The following RORA variants were observed in gnomAD, a reference collection of about 807,000 sequenced individuals.
RORA encodes nuclear receptor ROR-alpha.
A neutral mutation model predicts 69.5 loss-of-function variants in RORA; 7 were observed. That is an observed-to-expected ratio of 0.10 (90% CI 0.06 to 0.19). The LOEUF (loss-of-function observed/expected upper bound fraction) is 0.19. Ranked by LOEUF, RORA falls within the 10% of genes least tolerant of loss-of-function variation. The pLI is 1.00. For synonymous variants in RORA, 261 were observed against 240.8 expected (o/e 1.08, Z -0.78); for missense variants, 457 against 663.0 (o/e 0.69, Z 3.41).
At chr15:60,645,825 G>T (rs1235199997) in intron 2 of RORA, among the ~76,000 whole-genome samples, 15 of 151,254 alleles carry the variant, frequency 9.9e-5, no homozygotes, top group African/African-American at 3.4e-4. Flanking sequence ...AAAATTAAGG[G>T]GCTGATTTCG....
intron 1 of RORA, among the ~76,000 whole-genome samples, chr15:61,178,509 G>C (rs1420161491): frequency 1.3e-5 from 2 of 151,838 alleles, no homozygotes; most frequent in Admixed American, 1.3e-4. Flanking sequence ...TATCTAGAAT[G>C]CTCACAGCCA....
chr15:60,728,055 C>A (rs8024629), intron 1 of RORA, among the ~76,000 whole-genome samples: 18,295 of 152,244 alleles, frequency 0.12, 1,456 homozygotes, highest in Non-Finnish European at 0.18. Flanking sequence ...TATTTTTCCT[C>A]TGTATCAAAA....
rs1324404232 is a variant in RORA, at chr15:60,538,754, C to T, written c.197-6903G>A. Among the ~76,000 whole-genome samples the T allele has an allele frequency of 4.6e-5, 7 of 151,978 alleles. No individual in the cohort carries two copies. In the East Asian group the frequency reaches 5.8e-4, roughly 13 times the overall value. ...TTGTCGGGGCATCATGGAAATGGCA[C>T]GATTCCCACTTGTTAACATAATAAA... is the stretch of plus-strand genomic sequence containing the variant. On this transcript the variant is annotated intron_variant, in intron 2 of 10. Coordinates refer to ENST00000335670, the MANE Select transcript of RORA (RefSeq NM_134261.3).
chr15:60,609,827 C>T (rs1254590350), intron 2 of RORA, among the ~76,000 whole-genome samples: 1 of 152,122 alleles, frequency 6.6e-6, no homozygotes, highest in Non-Finnish European at 1.5e-5. Context: ...GCCTCTTCTT[C>T]AGAAGGCTGA....
chr15:61,146,164 G>A (rs1347888046), intron 1 of RORA, among the ~76,000 whole-genome samples: 3 of 152,112 alleles, frequency 2.0e-5, no homozygotes, highest in Non-Finnish European at 4.4e-5. Flanking sequence ...TTAAAAATAT[G>A]TCGAGGATTT....
At chr15:61,001,842 T>A (rs1021748854) in intron 1 of RORA, among the ~76,000 whole-genome samples, 2 of 152,208 alleles carry the variant, frequency 1.3e-5, no homozygotes, top group African/African-American at 2.4e-5. Context: ...AAGAACTCTC[T>A]GAGGAAGGGG....
At chr15:60,685,743 A>G (rs1242408506) in intron 1 of RORA, among the ~76,000 whole-genome samples, 1 of 152,220 alleles carries the variant, frequency 6.6e-6, no homozygotes, top group Non-Finnish European at 1.5e-5. Context: ...AGAGAAATAA[A>G]TTATGTGCCA....
At chr15:60,680,061 C>G (rs1298608634) in intron 1 of RORA, among the ~76,000 whole-genome samples, 1 of 152,112 alleles carries the variant, frequency 6.6e-6, no homozygotes, top group Non-Finnish European at 1.5e-5. Context: ...TTTGAAATAA[C>G]CTTTATCGTG....
chr15:60,495,390 A>G lies in RORA; in HGVS notation c.*2065T>C, dbSNP rs16942607. On this transcript the variant is annotated 3_prime_UTR_variant, in exon 11 of 11. Transcript: ENST00000335670. ...AAATTTAAAGGAATATTACTCTTCT[A>G]TTTATGGTTAAACTCTTACTATGTT... 2 of 152,216 alleles carry G rather than the reference A, an allele frequency of 1.3e-5. No homozygotes were observed. Among genetic ancestry groups the G allele is most frequent in the Non-Finnish European group, 2.9e-5 (2 of 68,034 alleles). 9.4% of individuals were successfully genotyped at this position (152,216 alleles called of 1,614,324 possible).
At chr15:61,137,079 GAAAGAAAGAAAGA>G (rs1326169960) in intron 1 of RORA, among the ~76,000 whole-genome samples, 4 of 148,232 alleles carry the variant, frequency 2.7e-5, no homozygotes, top group African/African-American at 1.0e-4. Flanking sequence ...AAGAAAGAAA[GAAAGAAAGAAAGA>G]AAGAAAGAAA....
chr15:60,874,363 G>C (rs1237504157), intron 1 of RORA, among the ~76,000 whole-genome samples: 1 of 152,158 alleles, frequency 6.6e-6, no homozygotes, highest in African/African-American at 2.4e-5. Flanking sequence ...GAATACAGCA[G>C]TAAACAGAAT....
chr15:61,184,944 C>T (rs531487452), intron 1 of RORA, among the ~76,000 whole-genome samples: 99 of 142,596 alleles, frequency 6.9e-4, no homozygotes, highest in South Asian at 1.6e-3. Context: ...ATGATTGTCC[C>T]ACTGCACTCC....
chr15:60,499,436 G>A (rs2065263760), intron 10 of RORA, among the ~76,000 whole-genome samples: 1 of 152,202 alleles, frequency 6.6e-6, no homozygotes, highest in African/African-American at 2.4e-5. Context: ...TACTCAGGAG[G>A]CTGAGACAGG....
Position 60,566,306 on chromosome 15 carries a change from T to C in RORA, c.197-34455A>G, listed in dbSNP as rs562431071. Among the ~76,000 whole-genome samples the C allele has an allele frequency of 9.0e-4, 137 of 152,334 alleles. 1 individual carries two copies. Among genetic ancestry groups the C allele is most frequent in the Non-Finnish European group, 6.2e-4 (42 of 68,030 alleles). On this transcript the variant is annotated intron_variant, in intron 2 of 10. Transcript: ENST00000335670. ...CTCATCACTCAAGTTTTCCTTTTTCTTAGTAAAAAATCATAGATGTTTCAA... is the reference window on the plus strand; with the variant it reads ...CTCATCACTCAAGTTTTCCTTTTTCCTAGTAAAAAATCATAGATGTTTCAA...
chr15:60,584,971 T>C (rs1180078546), intron 2 of RORA, among the ~76,000 whole-genome samples: 3 of 152,186 alleles, frequency 2.0e-5, no homozygotes, highest in Non-Finnish European at 4.4e-5. Flanking sequence ...TTTCTTCTTT[T>C]TCATGAAACG....
At chr15:60,909,756 T>G (rs536210496) in intron 1 of RORA, among the ~76,000 whole-genome samples, 1 of 152,330 alleles carries the variant, frequency 6.6e-6, no homozygotes, top group Admixed American at 6.5e-5. Flanking sequence ...ACCCTTGTTG[T>G]TCCATAGAGC....
At chr15:60,788,689 C>G (rs1374721915) in intron 1 of RORA, among the ~76,000 whole-genome samples, 3 of 152,150 alleles carry the variant, frequency 2.0e-5, no homozygotes, top group Non-Finnish European at 4.4e-5. Context: ...GGGCTGATTG[C>G]TTAAAGAAGG....
intron 1 of RORA, among the ~76,000 whole-genome samples, chr15:61,224,887 G>C (rs965044640): frequency 1.3e-5 from 2 of 152,152 alleles, no homozygotes; most frequent in East Asian, 3.9e-4. Context: ...GGGTCTCATC[G>C]TTAGGGGCTT....
At position 60,496,622 on chromosome 15, in the gene RORA, G is replaced by A. The variant is rs959762572; in HGVS notation, c.*833C>T. The A allele has an allele frequency of 2.6e-5, 4 of 151,920 alleles. No individual in the cohort carries two copies. Among genetic ancestry groups the A allele is most frequent in the African/African-American group, 7.3e-5 (3 of 41,334 alleles). 9.4% of individuals were successfully genotyped at this position (151,920 alleles called of 1,614,324 possible). On this transcript the variant is annotated 3_prime_UTR_variant, in exon 11 of 11. Transcript: ENST00000335670. This position sits in a 1 kb window ranked among gnomAD's most constrained non-coding sequence, Gnocchi z 4.5. ...TCACATGTTAAAAAAAAAATCCAAC[G>A]TGGTGATTTCTAGATATGACCAGCC...
Sources: allele counts gnomAD v4.1 joint callset (sites outside exome capture counted in the v4.1 genomes callset), GRCh38; gene constraint gnomAD v4.1.1; non-coding constraint Gnocchi (gnomAD v3.1); transcripts MANE v1.5; gene names NCBI Gene and HGNC (gene_info 2026-07-23, HGNC 2026-07-21).